SCARA3: variants seen among roughly 807,000 people sequenced by gnomAD.
SCARA3 encodes the protein scavenger receptor class A member 3, also known as cellular stress response gene protein.
SCARA3 carries 39 observed loss-of-function variants against 47.0 expected under a neutral mutation model. The observed-to-expected ratio is 0.83, with a 90% CI of 0.64 to 1.08. SCARA3 has a LOEUF of 1.08. Among genes scored for constraint, SCARA3 ranks in the 50% least tolerant of loss-of-function variants. SCARA3 has a pLI of 0.00. For missense variants in SCARA3, 724 were observed against 792.3 expected, an observed-to-expected ratio of 0.91 and a Z score of 1.04; for synonymous variants, 356 against 334.1, an observed-to-expected ratio of 1.07 and a Z score of -0.71.
the SCARA3 span, among the ~76,000 whole-genome samples, chr8:27,724,932 A>G: frequency 5.9e-5 from 9 of 152,258 alleles, no homozygotes; most frequent in Admixed American, 5.2e-4. Context: ...TCAAAACATA[A>G]TATTGACTGA....
At chr8:27,691,800 C>A in the SCARA3 span, among the ~76,000 whole-genome samples, 1 of 152,084 alleles carries the variant, frequency 6.6e-6, no homozygotes, top group South Asian at 2.1e-4. Flanking sequence ...CCTTATCATT[C>A]ACCAGTGCCT....
rs35926937 is a variant in SCARA3, at chr8:27,642,909, CG to C, written c.8-6786del. ...CTGAATTCATGGGGTTCAGGGGAGT[CG>C]GGGGGGTTGGTGCTGTGGACAGAGA... On this transcript the variant is annotated intron_variant, in intron 1 of 5. Transcript: ENST00000301904. Among the ~76,000 whole-genome samples the C allele has an allele frequency of 2.3e-4, 35 of 152,036 alleles. No individual in the cohort carries two copies. The East Asian group carries it at 5.6e-3, about 24-fold the overall frequency.
At chr8:27,726,277 G>T in the SCARA3 span, among the ~76,000 whole-genome samples, 1 of 152,242 alleles carries the variant, frequency 6.6e-6, no homozygotes, top group East Asian at 1.9e-4. Flanking sequence ...GTAGTGGTGT[G>T]CATCTGTGGT....
the SCARA3 span, among the ~76,000 whole-genome samples, chr8:27,716,878 G>A: frequency 6.6e-6 from 1 of 152,194 alleles, no homozygotes; most frequent in Non-Finnish European, 1.5e-5. Context: ...CGCCAGGAAT[G>A]GAACAAATCC....
intron 5 of SCARA3, among the ~76,000 whole-genome samples, chr8:27,670,179 GT>G (rs1563414081): frequency 6.6e-6 from 1 of 152,188 alleles, no homozygotes; most frequent in African/African-American, 2.4e-5. Context: ...CACATACTGA[GT>G]TTTCCTAACT....
chr8:27,725,521 G>GC, the SCARA3 span, among the ~76,000 whole-genome samples: 342 of 121,270 alleles, frequency 2.8e-3, 2 homozygotes, highest in African/African-American at 0.011. Context: ...CCAAACCACT[G>GC]CCCCCTCCAA....
At position 27,671,661 on chromosome 8, in the gene SCARA3, CACACACAT is replaced by C. The variant is rs533069341; in HGVS notation, c.*311_*318del. On this transcript the variant is annotated 3_prime_UTR_variant, in exon 6 of 6. Transcript: ENST00000301904. ...ATGCATGCACACACACATGCACGCA[CACACACAT>C]GCACACATACACGTGCACACATACA... 11 of 1,038,494 alleles carry C rather than the reference CACACACAT, an allele frequency of 1.1e-5. No individual in the cohort carries two copies. The South Asian group carries it at 5.5e-4, about 52-fold the overall frequency. The allele number at this position is 1,038,494 out of a possible 1,614,324, so 64.3% of individuals were successfully genotyped here.
the SCARA3 span, among the ~76,000 whole-genome samples, chr8:27,719,915 T>C: frequency 1.5e-3 from 232 of 152,192 alleles, no homozygotes; most frequent in South Asian, 0.011. Context: ...TGATTATAAT[T>C]TACTCTGAGA....
chr8:27,700,142 A>G, the SCARA3 span, among the ~76,000 whole-genome samples: 1 of 152,206 alleles, frequency 6.6e-6, no homozygotes, highest in South Asian at 2.1e-4. Flanking sequence ...ACCATAAGAG[A>G]AAAATTTTGA....
At chr8:27,703,677 C>G in the SCARA3 span, 1 of 152,104 alleles carries the variant, frequency 6.6e-6, no homozygotes, top group Non-Finnish European at 1.5e-5. Context: ...AACTACAAAC[C>G]CAGGACTCCG....
chr8:27,676,237 A>G (rs1162622560), downstream of SCARA3, among the ~76,000 whole-genome samples: 3 of 152,228 alleles, frequency 2.0e-5, no homozygotes, highest in Non-Finnish European at 2.9e-5. Flanking sequence ...AGTTCCACAG[A>G]ATCAACTTGC....
chr8:27,707,504 G>A, the SCARA3 span, among the ~76,000 whole-genome samples: 1 of 151,390 alleles, frequency 6.6e-6, no homozygotes, highest in Non-Finnish European at 1.5e-5. Flanking sequence ...CAACAGAAAG[G>A]CCAGAATATG....
At chr8:27,708,663 T>A in the SCARA3 span, among the ~76,000 whole-genome samples, 1 of 152,096 alleles carries the variant, frequency 6.6e-6, no homozygotes, top group South Asian at 2.1e-4. Flanking sequence ...TGGAGAGATA[T>A]GAGACAGATA....
At chr8:27,639,325 A>G (rs1801330829) in intron 1 of SCARA3, among the ~76,000 whole-genome samples, 4 of 152,328 alleles carry the variant, frequency 2.6e-5, no homozygotes, top group Middle Eastern at 3.4e-3. Flanking sequence ...AGATGCCACA[A>G]AAGAACAAAT....
intron 3 of SCARA3, among the ~76,000 whole-genome samples, chr8:27,653,683 T>G (rs1362581643): frequency 6.6e-6 from 1 of 151,438 alleles, no homozygotes; most frequent in Non-Finnish European, 1.5e-5. Context: ...GTTGGGAAAA[T>G]CAGTCAGCAG....
At chr8:27,649,241 GCCT>G (rs1270221954) in intron 1 of SCARA3, among the ~76,000 whole-genome samples, 2 of 152,144 alleles carry the variant, frequency 1.3e-5, no homozygotes, top group Non-Finnish European at 2.9e-5. Context: ...CCTCCCTCTG[GCCT>G]CCTCCTGGCT....
In SCARA3 at chr8:27,649,707, T is replaced by G; in HGVS notation, c.13T>G (p.Ser5Ala). The G allele has an allele frequency of 6.2e-7, 1 of 1,613,908 alleles. No homozygotes were observed. The highest frequency in any genetic ancestry group is 8.5e-7 in the Non-Finnish European group (1 of 1,179,972). MKVR[S>A]AGGDGDALCV... ...CGGCACTGGCTTCATTATAGTGAGG[T>G]CGGCCGGCGGCGATGGAGATGCCTT... Residue 5 changes from serine (S) to alanine (A), a missense_variant, in exon 2 of 6, where the codon TCG becomes GCG. Transcript: ENST00000301904.
chr8:27,659,196 G>C lies in SCARA3; in HGVS notation c.1026G>C (p.Arg342Ser). 6.2e-7 allele frequency: 1 copy of C among 1,614,168 alleles called. No individual in the cohort carries two copies. Among genetic ancestry groups the C allele is most frequent in the Non-Finnish European group, 8.5e-7 (1 of 1,180,038 alleles). ...ACGCCCAGAACCGCACTGTGGAGAGGTTTGAGTCTCTGGAAGGACGCATGG... is the reference window on the plus strand; with the variant it reads ...ACGCCCAGAACCGCACTGTGGAGAGCTTTGAGTCTCTGGAAGGACGCATGG... ...THYAQNRTVE[R>S]FESLEGRMAS... The change falls in exon 5 of 6, where the codon AGG (arginine) becomes AGC (serine). Residue 342 changes from arginine (R) to serine (S), a missense_variant. Coordinates refer to ENST00000301904, the MANE Select transcript of SCARA3 (RefSeq NM_016240.3).
intron 3 of SCARA3, among the ~76,000 whole-genome samples, chr8:27,655,307 T>G (rs1011045414): frequency 2.0e-5 from 3 of 152,190 alleles, no homozygotes; most frequent in Admixed American, 6.5e-5. Flanking sequence ...CTCAGTGCTC[T>G]TGGTGGTGCT....
Sources: gnomAD v4.1 joint callset for allele counts (sites outside exome capture counted in the v4.1 genomes callset) on GRCh38, gnomAD v4.1.1 for gene constraint, MANE v1.5 for transcripts, NCBI Gene and HGNC (gene_info 2026-07-23, HGNC 2026-07-21) for gene names.